SMC5: variants seen among roughly 807,000 people sequenced by gnomAD.
SMC5 encodes the protein structural maintenance of chromosomes protein 5.
Under a neutral mutation model 148.3 loss-of-function variants are expected in SMC5, and 88 were observed. The observed-to-expected ratio is 0.59, with a 90% confidence interval of 0.50 to 0.71. The LOEUF is 0.71. Among genes scored for constraint, SMC5 ranks in the 30% least tolerant of loss-of-function variants. SMC5 has a pLI of 0.00. For missense variants in SMC5, 1,142 were observed against 1,298.9 expected (o/e 0.88, Z 1.86); for synonymous variants, 421 against 432.8 (o/e 0.97, Z 0.34).
rs148923109 is a variant in SMC5, at chr9:70,348,486, G to A, written c.2889+448G>A. On this transcript the variant is annotated intron_variant, in intron 22 of 24. Transcript: ENST00000361138. ...GCAGGCAGATAGCTTGAGCTCACGG[G>A]TTTGAGACCAGCCTGGGCAACATGG... Among the ~76,000 whole-genome samples the A allele has an allele frequency of 3.3e-5, 5 of 152,110 alleles. No individual in the cohort carries two copies. The East Asian group carries it at 9.7e-4, about 29-fold the overall frequency.
At position 70,347,119 on chromosome 9, in the gene SMC5, A is replaced by C. The variant is rs1203109562; in HGVS notation, c.2622A>C (p.Glu874Asp). 1 of 1,614,028 alleles carries C rather than the reference A, an allele frequency of 6.2e-7. No homozygotes were observed. The highest frequency in any genetic ancestry group is 8.5e-7 in the Non-Finnish European group (1 of 1,179,982). Residue 874 changes from glutamate (E) to aspartate (D), a missense_variant, in exon 20 of 25, where the codon GAA becomes GAC. By Grantham distance (45) the Glu-to-Asp change is conservative (BLOSUM62 2). Coordinates refer to ENST00000361138, the MANE Select transcript of SMC5 (RefSeq NM_015110.4). Reference sequence around the variant, plus strand: ...ATGAAATTGATGCTTTATTAACTGAAGAAAGATCAAGAGCTTCCTGCTTCA... The same window carrying C: ...ATGAAATTGATGCTTTATTAACTGACGAAAGATCAAGAGCTTCCTGCTTCA... ...TLDEIDALLT[E>D]ERSRASCFTG...
At chr9:70,344,873 C>G (rs1009782448) in intron 18 of SMC5, among the ~76,000 whole-genome samples, 1 of 151,822 alleles carries the variant, frequency 6.6e-6, no homozygotes, top group Non-Finnish European at 1.5e-5. Flanking sequence ...TTTAAAATAT[C>G]TAGTATTGGT....
In SMC5 at chr9:70,324,045, A is replaced by G. The variant is rs751289591; in HGVS notation, c.2299A>G (p.Lys767Glu). ...IKICTSLHIQ[K>E]VDLILQNTTV... ...GATTTGTACTTCTTTGCATATACAAAAAGTAGATTTAATTCTCCAAAATAC... is the reference window on the plus strand; with the variant it reads ...GATTTGTACTTCTTTGCATATACAAGAAGTAGATTTAATTCTCCAAAATAC... Residue 767 changes from lysine to glutamate, a missense_variant, in exon 17 of 25, where the codon AAA (lysine) becomes GAA (glutamate). Transcript: ENST00000361138. 5.1e-6 allele frequency: 8 copies of G among 1,582,976 alleles called. No homozygotes were observed. In the Admixed American group the frequency reaches 1.4e-4, roughly 27 times the overall value.
chr9:70,332,716 C>T (rs1281397714), intron 17 of SMC5, among the ~76,000 whole-genome samples: 1 of 151,972 alleles, frequency 6.6e-6, no homozygotes, highest in Non-Finnish European at 1.5e-5. Context: ...TCAAATCCAA[C>T]AATATATAAA....
At chr9:70,269,913 G>A (rs2118032382) in intron 3 of SMC5, among the ~76,000 whole-genome samples, 1 of 152,240 alleles carries the variant, frequency 6.6e-6, no homozygotes, top group East Asian at 1.9e-4. Context: ...AATTAAGTGT[G>A]GGATATTTTA....
chr9:70,272,972 T>A (rs1181255567), intron 3 of SMC5, among the ~76,000 whole-genome samples: 1 of 152,200 alleles, frequency 6.6e-6, no homozygotes, highest in Non-Finnish European at 1.5e-5. Context: ...ATTAATTAAT[T>A]CCCTGATGTT....
At chr9:70,278,677 T>A in intron 5 of SMC5, 52 bp downstream of exon 5, 3 of 1,532,774 alleles carry the variant, frequency 2.0e-6, no homozygotes, top group Non-Finnish European at 2.6e-6. Context: ...TTTCTGTATC[T>A]CAGAACATGG....
intron 3 of SMC5, among the ~76,000 whole-genome samples, chr9:70,270,740 G>A (rs532440885): frequency 1.6e-3 from 227 of 141,716 alleles, no homozygotes; most frequent in Non-Finnish European, 2.8e-3. Context: ...TCTGTCTCCC[G>A]AGCTCAAGTG....
At position 70,315,602 on chromosome 9, in the gene SMC5, C is replaced by T. The variant is rs757564113; in HGVS notation, c.1806+24C>T. 6.1e-6 allele frequency: 9 copies of T among 1,477,566 alleles called. No individual in the cohort carries two copies. The Admixed American group carries it at 1.4e-4, about 24-fold the overall frequency. The allele number at this position is 1,477,566 out of a possible 1,614,324, so 91.5% of individuals were successfully genotyped here. On this transcript the variant is annotated intron_variant, in intron 13 of 24. Transcript: ENST00000361138. Reference sequence around the variant, plus strand: ...GGGTAGGAAAGTAGTGAATCATGTACTGAATCATGTACCAAAAATGTAGTT... The same window carrying T: ...GGGTAGGAAAGTAGTGAATCATGTATTGAATCATGTACCAAAAATGTAGTT...
intron 11 of SMC5, among the ~76,000 whole-genome samples, chr9:70,313,631 G>C (rs2035718322): frequency 1.3e-5 from 2 of 152,082 alleles, no homozygotes; most frequent in Non-Finnish European, 2.9e-5. Flanking sequence ...CCAAGTAGCT[G>C]AGATTACAGG....
chr9:70,315,183 A>T (rs2035762929), intron 12 of SMC5, among the ~76,000 whole-genome samples: 1 of 152,008 alleles, frequency 6.6e-6, no homozygotes, highest in Admixed American at 6.5e-5. Context: ...ATAAGTAAAT[A>T]TCTTAATTTG....
At chr9:70,277,667 A>G (rs1024148167) in intron 4 of SMC5, among the ~76,000 whole-genome samples, 195 bp downstream of exon 4, 2 of 152,134 alleles carry the variant, frequency 1.3e-5, no homozygotes, top group Non-Finnish European at 2.9e-5. Flanking sequence ...CAATTAGTAA[A>G]AAAGTCTAAA....
Position 70,258,992 on chromosome 9 carries a change from C to A in SMC5, c.-87C>A. The A allele has an allele frequency of 1.4e-6, 2 of 1,425,400 alleles. No individual in the cohort carries two copies. Among genetic ancestry groups the A allele is most frequent in the Non-Finnish European group, 1.9e-6 (2 of 1,076,220 alleles). 88.3% of individuals were successfully genotyped at this position (1,425,400 alleles called of 1,614,324 possible). On this transcript the variant is annotated 5_prime_UTR_variant, in exon 1 of 25. Coordinates refer to ENST00000361138, the MANE Select transcript of SMC5 (RefSeq NM_015110.4). ...CAGTTCGCGGCAGTTCGCGCGGGAGCGGGGCGCCTGGGTGGATGGGCGCTT... is the reference window on the plus strand; with the variant it reads ...CAGTTCGCGGCAGTTCGCGCGGGAGAGGGGCGCCTGGGTGGATGGGCGCTT...
At chr9:70,327,582 A>G (rs79301471) in intron 17 of SMC5, among the ~76,000 whole-genome samples, 10,522 of 152,272 alleles carry the variant, frequency 0.069, 573 homozygotes, top group East Asian at 0.22. Flanking sequence ...ACTTTGAAAA[A>G]TGGTTAAATA....
At chr9:70,328,695 C>T (rs1323210601) in intron 17 of SMC5, among the ~76,000 whole-genome samples, 8 of 152,202 alleles carry the variant, frequency 5.3e-5, no homozygotes, top group African/African-American at 7.2e-5. Flanking sequence ...GTCTGGAGGA[C>T]GGTGGCCCTC....
chr9:70,287,591 A>G lies in SMC5; in HGVS notation c.1053+1320A>G, dbSNP rs150568472. Among the ~76,000 whole-genome samples the G allele has an allele frequency of 3.9e-3, 598 of 152,262 alleles. 3 individuals carry two copies. Among genetic ancestry groups the G allele is most frequent in the African/African-American group, 0.013 (553 of 41,548 alleles). ...TTCTGATGGTTGAAGCATGGTGTTA[A>G]TCTCCTAGTTCTCAGCCTCACCCCT... On this transcript the variant is annotated intron_variant, in intron 8 of 24. Coordinates refer to ENST00000361138, the MANE Select transcript of SMC5 (RefSeq NM_015110.4).
intron 9 of SMC5, 72 bp downstream of exon 9, chr9:70,298,293 C>G: frequency 6.8e-7 from 1 of 1,461,992 alleles, no homozygotes. Flanking sequence ...CTTTCTTCTG[C>G]TTCTATAATT....
chr9:70,309,928 C>A (rs1292508568), intron 11 of SMC5, among the ~76,000 whole-genome samples: 1 of 152,204 alleles, frequency 6.6e-6, no homozygotes, highest in African/African-American at 2.4e-5. Flanking sequence ...TGGCTCACTG[C>A]AACCTCCACC....
intron 15 of SMC5, 85 bp from the exon 16 acceptor site, chr9:70,323,398 C>G (rs1015348657): frequency 7.5e-7 from 1 of 1,338,420 alleles, no homozygotes; most frequent in Non-Finnish European, 1.0e-6. Flanking sequence ...CTAAATATAT[C>G]CCAGAAAACT....
Sources: gnomAD v4.1 joint callset for allele counts (sites outside exome capture counted in the v4.1 genomes callset) on GRCh38, gnomAD v4.1.1 for gene constraint, MANE v1.5 for transcripts, NCBI Gene and HGNC (gene_info 2026-07-23, HGNC 2026-07-21) for gene names.